Variants in SETBP1 observed in about 807,000 individuals in gnomAD.
SETBP1 encodes SET-binding protein.
Under a neutral mutation model 101.0 loss-of-function variants are expected in SETBP1, and 9 were observed. The observed-to-expected ratio is 0.09, with a 90% CI of 0.05 to 0.16. The LOEUF is 0.16. Ranked by LOEUF, SETBP1 falls within the 10% of genes least tolerant of loss-of-function variation. The pLI, the probability that SETBP1 is intolerant of heterozygous loss-of-function variation, is 1.00. For synonymous variants in SETBP1, 818 were observed against 788.5 expected (o/e 1.04, Z -0.63); for missense variants, 1,858 against 2,033.8 (o/e 0.91, Z 1.66).
intron 2 of SETBP1, among the ~76,000 whole-genome samples, chr18:44,744,776 A>AC (rs386387550): frequency 3.1e-5 from 4 of 128,290 alleles, no homozygotes; most frequent in Admixed American, 7.4e-5. Flanking sequence ...TCTTAAAAAA[A>AC]AAAAAACAAA....
intron 2 of SETBP1, among the ~76,000 whole-genome samples, chr18:44,823,499 G>A (rs1238089891): frequency 2.0e-5 from 3 of 152,150 alleles, no homozygotes; most frequent in Admixed American, 2.0e-4. Flanking sequence ...CTATCATTTG[G>A]TGCTGAAAAC....
chr18:44,687,866 C>T (rs559726684), intron 1 of SETBP1, among the ~76,000 whole-genome samples: 4 of 152,204 alleles, frequency 2.6e-5, no homozygotes, highest in Non-Finnish European at 5.9e-5. Flanking sequence ...GGTGTCCTCT[C>T]CATCCCCATA....
intron 2 of SETBP1, among the ~76,000 whole-genome samples, chr18:44,712,953 CTTTTTTTTTTT>C (rs11323504): frequency 3.1e-5 from 2 of 64,926 alleles, no homozygotes; most frequent in South Asian, 7.2e-4. Context: ...CAGCATCCCT[CTTTTTTTTTTT>C]TTTTTTTTTT....
intron 3 of SETBP1, among the ~76,000 whole-genome samples, chr18:44,942,342 T>C (rs1471620623): frequency 6.6e-6 from 1 of 152,204 alleles, no homozygotes; most frequent in Non-Finnish European, 1.5e-5. Context: ...TCTGCTAGGC[T>C]TTGTGAAATC....
chr18:44,773,046 G>A (rs559405184), intron 2 of SETBP1, among the ~76,000 whole-genome samples: 23 of 152,144 alleles, frequency 1.5e-4, no homozygotes, highest in East Asian at 1.4e-3. Context: ...GACCAAAGAC[G>A]CTTTGTTCAT....
intron 2 of SETBP1, among the ~76,000 whole-genome samples, chr18:44,796,079 G>T (rs1458231611): frequency 6.6e-6 from 1 of 152,160 alleles, no homozygotes; most frequent in African/African-American, 2.4e-5. Context: ...AATCAAGCTG[G>T]TGAAAAATGT....
In SETBP1 at chr18:45,038,667, T is replaced by G. The variant is rs1243307304; in HGVS notation, c.4171+12T>G. 6.2e-7 allele frequency: 1 copy of G among 1,613,658 alleles called. No individual in the cohort carries two copies. The highest frequency in any genetic ancestry group is 1.7e-5 in the Admixed American group (1 of 60,004). ...AACGTCGGATGCAGGTGAGCACTTTTCAGATGCTTTGGGTTCACCCCAAGC... is the reference window on the plus strand; with the variant it reads ...AACGTCGGATGCAGGTGAGCACTTTGCAGATGCTTTGGGTTCACCCCAAGC... On this transcript the variant is annotated intron_variant, in intron 5 of 5. Coordinates refer to ENST00000649279, the MANE Select transcript of SETBP1 (RefSeq NM_015559.3).
At chr18:45,025,225 A>G (rs1568035074) in intron 4 of SETBP1, among the ~76,000 whole-genome samples, 2 of 152,218 alleles carry the variant, frequency 1.3e-5, no homozygotes, top group Non-Finnish European at 2.9e-5. Flanking sequence ...AAGAAATCCC[A>G]GGCACCTCTG....
chr18:44,900,603 T>A (rs2070020950), intron 3 of SETBP1, among the ~76,000 whole-genome samples: 1 of 152,198 alleles, frequency 6.6e-6, no homozygotes. Flanking sequence ...TCGTTCACAA[T>A]GAATGCCACA....
intron 3 of SETBP1, among the ~76,000 whole-genome samples, chr18:44,931,852 C>G (rs1370314820): frequency 6.6e-6 from 1 of 152,086 alleles, no homozygotes; most frequent in African/African-American, 2.4e-5. Context: ...TGAGATGGGT[C>G]TCCTGAATAT....
At chr18:44,959,417 G>C (rs915576517) in intron 4 of SETBP1, among the ~76,000 whole-genome samples, 1 of 152,202 alleles carries the variant, frequency 6.6e-6, no homozygotes, top group African/African-American at 2.4e-5. Flanking sequence ...CAAGTTGTCT[G>C]AATTCAAGGG....
intron 2 of SETBP1, among the ~76,000 whole-genome samples, chr18:44,802,272 C>A (rs1482294224): frequency 6.6e-6 from 1 of 152,064 alleles, no homozygotes; most frequent in African/African-American, 2.4e-5. Flanking sequence ...AGTCTGGTTT[C>A]ATGGAAGAAA....
intron 2 of SETBP1, among the ~76,000 whole-genome samples, chr18:44,789,376 A>G (rs1025837199): frequency 7.2e-5 from 11 of 152,224 alleles, no homozygotes; most frequent in African/African-American, 2.7e-4. Context: ...AAAGCTGCAT[A>G]AAATTGATTT....
intron 2 of SETBP1, among the ~76,000 whole-genome samples, chr18:44,840,991 A>C (rs776599004): frequency 6.6e-6 from 1 of 152,218 alleles, no homozygotes; most frequent in Non-Finnish European, 1.5e-5. Context: ...ATACCTAGAG[A>C]GTTTAAGTTA....
chr18:44,960,103 G>T (rs575007596), intron 4 of SETBP1, among the ~76,000 whole-genome samples: 1 of 151,858 alleles, frequency 6.6e-6, no homozygotes, highest in Non-Finnish European at 1.5e-5. Context: ...CACCATGTTG[G>T]CCGGGCTTGT....
rs2072255307 is a variant in SETBP1, at chr18:44,827,097, T to G, written c.487-42133T>G. Among the ~76,000 whole-genome samples, 3 of 152,196 alleles carry G rather than the reference T, an allele frequency of 2.0e-5. 1 individual carries two copies. The highest frequency in any genetic ancestry group is 2.0e-4 in the Admixed American group (3 of 15,278). On this transcript the variant is annotated intron_variant, in intron 2 of 5. Transcript: ENST00000649279. ...CAGTGTGGTAGCATAAGCATAGGGC[T>G]CACTAGTGGTGATGACATGTTCTAT...
chr18:44,891,626 C>A (rs2069772041), intron 3 of SETBP1, among the ~76,000 whole-genome samples: 1 of 138,042 alleles, frequency 7.2e-6, no homozygotes, highest in Non-Finnish European at 1.6e-5. Flanking sequence ...ACTCAGGCTG[C>A]AAATGTTCTA....
intron 2 of SETBP1, among the ~76,000 whole-genome samples, chr18:44,813,378 G>T (rs572398336): frequency 6.6e-6 from 1 of 152,146 alleles, no homozygotes; most frequent in African/African-American, 2.4e-5. Context: ...TCTTCATGAT[G>T]GGGAGACAAG....
intron 2 of SETBP1, among the ~76,000 whole-genome samples, chr18:44,803,468 G>A (rs1007007269): frequency 6.6e-6 from 1 of 152,132 alleles, no homozygotes; most frequent in African/African-American, 2.4e-5. Context: ...GCTTCTTAGA[G>A]ACATGCACTT....
Sources: allele counts gnomAD v4.1 joint callset (sites outside exome capture counted in the v4.1 genomes callset), GRCh38; gene constraint gnomAD v4.1.1; transcripts MANE v1.5; gene names NCBI Gene and HGNC (gene_info 2026-07-23, HGNC 2026-07-21).